Variants in CHLSN observed in about 807,000 individuals in gnomAD.
The protein encoded by CHLSN is cholesin.
chr7:1,074,048 C>T, the CHLSN span, among the ~76,000 whole-genome samples: 1 of 6,528 alleles, frequency 1.5e-4, no homozygotes, highest in African/African-American at 7.8e-4. Flanking sequence ...CGTCACGCTC[C>T]GTGACCCCCG....
At chr7:1,002,152 T>C in the CHLSN span, among the ~76,000 whole-genome samples, 1 of 126,356 alleles carries the variant, frequency 7.9e-6, no homozygotes, top group Non-Finnish European at 1.6e-5. Context: ...AGTGGAGTCC[T>C]GTGGGTGAGT....
At chr7:1,100,903 T>C in the CHLSN span, among the ~76,000 whole-genome samples, 1 of 152,098 alleles carries the variant, frequency 6.6e-6, no homozygotes, top group Non-Finnish European at 1.5e-5. Flanking sequence ...GGGGCAGAGA[T>C]GGGAGAGGCC....
At chr7:979,547 T>A in the CHLSN span, among the ~76,000 whole-genome samples, 62 of 151,586 alleles carry the variant, frequency 4.1e-4, no homozygotes, top group East Asian at 2.5e-3. Flanking sequence ...AGGTTAGGAG[T>A]TCAAGACCAG....
the CHLSN span, among the ~76,000 whole-genome samples, chr7:1,016,149 G>A: frequency 9.8e-6 from 1 of 101,598 alleles, no homozygotes; most frequent in Non-Finnish European, 1.9e-5. Flanking sequence ...GCACACAGCA[G>A]CACACGCCAG....
chr7:1,108,851 A>G, the CHLSN span, among the ~76,000 whole-genome samples: 1 of 150,692 alleles, frequency 6.6e-6, no homozygotes, highest in Admixed American at 6.6e-5. Context: ...CCTGCTTTTG[A>G]ATTAACTATG....
chr7:1,126,152 A>C, the CHLSN span, among the ~76,000 whole-genome samples: 1 of 149,334 alleles, frequency 6.7e-6, no homozygotes, highest in Non-Finnish European at 1.5e-5. Flanking sequence ...CGAGGTCAGG[A>C]GGTCGAGACC....
the CHLSN span, among the ~76,000 whole-genome samples, chr7:1,010,400 C>A: frequency 0.16 from 24,173 of 152,270 alleles, 2,072 homozygotes; most frequent in Admixed American, 0.22. Context: ...CCCTTCCCCA[C>A]CCCCGTGGTC....
At chr7:1,132,312 C>G in the CHLSN span, among the ~76,000 whole-genome samples, 2 of 151,960 alleles carry the variant, frequency 1.3e-5, no homozygotes, top group African/African-American at 4.8e-5. Flanking sequence ...CTTTGGGAGG[C>G]CAAGGCAGGA....
chr7:1,032,078 C>T, the CHLSN span, among the ~76,000 whole-genome samples: 19 of 152,234 alleles, frequency 1.2e-4, no homozygotes, highest in African/African-American at 3.1e-4. Flanking sequence ...CTATGTCTGA[C>T]GCATTCTTTT....
the CHLSN span, among the ~76,000 whole-genome samples, chr7:990,357 G>A: frequency 7.0e-6 from 1 of 142,320 alleles, no homozygotes; most frequent in Non-Finnish European, 1.5e-5. Flanking sequence ...CGGTGTGGTC[G>A]GCAGTGTGAC....
the CHLSN span, among the ~76,000 whole-genome samples, chr7:1,016,605 A>ACGC: frequency 2.1e-4 from 14 of 67,046 alleles, 2 homozygotes; most frequent in African/African-American, 1.0e-3. Context: ...ACAGCAGCGT[A>ACGC]CAGCAGCGCA....
chr7:1,011,087 C>T, the CHLSN span, among the ~76,000 whole-genome samples: 4 of 149,634 alleles, frequency 2.7e-5, no homozygotes, highest in Non-Finnish European at 5.9e-5. Flanking sequence ...CAGACACACA[C>T]ATTCACAGAC....
At chr7:1,056,407 TGC>T in the CHLSN span, 1 of 152,476 alleles carries the variant, frequency 6.6e-6, no homozygotes, top group Admixed American at 6.5e-5. Flanking sequence ...TCACCAGGAT[TGC>T]ACAATGACCC....
chr7:1,081,482 G>C, the CHLSN span, among the ~76,000 whole-genome samples: 1 of 152,256 alleles, frequency 6.6e-6, no homozygotes, highest in Non-Finnish European at 1.5e-5. Flanking sequence ...GCGGGGCTTG[G>C]CACGGCGCAG....
At chr7:979,179 A>G in the CHLSN span, among the ~76,000 whole-genome samples, 1 of 152,200 alleles carries the variant, frequency 6.6e-6, no homozygotes. Context: ...GAAGAAGTAA[A>G]GTTAGTTTTA....
At chr7:1,041,433 G>A in the CHLSN span, among the ~76,000 whole-genome samples, 1 of 147,902 alleles carries the variant, frequency 6.8e-6, no homozygotes, top group Non-Finnish European at 1.5e-5. Context: ...TCCGCGCTGC[G>A]GGGAAGGGGA....
the CHLSN span, among the ~76,000 whole-genome samples, chr7:1,136,314 ATAAACAT>A: frequency 2.6e-3 from 281 of 107,072 alleles, no homozygotes; most frequent in African/African-American, 7.2e-3. Flanking sequence ...ATAAATATAT[ATAAACAT>A]AAATATATAA....
At chr7:1,113,109 A>C in the CHLSN span, among the ~76,000 whole-genome samples, 23 of 151,842 alleles carry the variant, frequency 1.5e-4, no homozygotes, top group Non-Finnish European at 2.9e-4. Flanking sequence ...GCGCACACAC[A>C]CGCACACACC....
At chr7:1,028,500 C>T in the CHLSN span, 10 of 985,320 alleles carry the variant, frequency 1.0e-5, no homozygotes, top group Non-Finnish European at 1.2e-5. Flanking sequence ...GCTGAGAAGG[C>T]GGGGGTGGAC....
Sources: allele counts gnomAD v4.1 joint callset (sites outside exome capture counted in the v4.1 genomes callset), GRCh38; gene constraint gnomAD v4.1.1; transcripts MANE v1.5; gene names NCBI Gene and HGNC (gene_info 2026-07-23, HGNC 2026-07-21).